Variants in SSUH2 observed in about 807,000 individuals in gnomAD.
SSUH2 encodes protein SSUH2 homolog.
In SSUH2, 47 loss-of-function variants were observed where a neutral mutation model predicts 55.3. The ratio of observed to expected loss-of-function variants is 0.85; its 90% CI spans 0.67 to 1.08. The LOEUF is 1.08. Among genes scored for constraint, SSUH2 ranks in the 50% least tolerant of loss-of-function variants. The pLI, the probability that SSUH2 is intolerant of heterozygous loss-of-function variation, is 0.00. For synonymous variants in SSUH2, 212 were observed against 191.5 expected (o/e 1.11, Z -0.89); for missense variants, 535 against 490.7 (o/e 1.09, Z -0.85).
chr3:8,675,734 A>T (rs920448848), intron 3 of SSUH2, among the ~76,000 whole-genome samples: 1 of 152,134 alleles, frequency 6.6e-6, no homozygotes, highest in Non-Finnish European at 1.5e-5. Context: ...ATGAGGTCAC[A>T]AAGGGGGCTG....
intron 3 of SSUH2, among the ~76,000 whole-genome samples, chr3:8,672,481 G>A (rs533919363): frequency 3.9e-5 from 6 of 151,944 alleles, no homozygotes; most frequent in South Asian, 4.2e-4. Flanking sequence ...CAACCTCTCC[G>A]CCTTTGAATA....
intron 7 of SSUH2, among the ~76,000 whole-genome samples, chr3:8,656,862 G>GGTTT (rs60486079): frequency 0.34 from 51,194 of 149,874 alleles, 9,090 homozygotes; most frequent in East Asian, 0.53. Flanking sequence ...TTCATTTTTT[G>GGTTT]GTTTGTTTGT....
At chr3:8,641,337 A>G (rs1013255419) in intron 1 of SSUH2, among the ~76,000 whole-genome samples, 2 of 152,242 alleles carry the variant, frequency 1.3e-5, no homozygotes, top group African/African-American at 4.8e-5. Context: ...CCACAGCACA[A>G]AATACCTAAC....
At chr3:8,637,036 C>A (rs1007238234) in intron 1 of SSUH2, among the ~76,000 whole-genome samples, 1 of 152,178 alleles carries the variant, frequency 6.6e-6, no homozygotes, top group Non-Finnish European at 1.5e-5. Context: ...TATGATGGTA[C>A]AAAAGCCATA....
At chr3:8,675,975 G>T (rs1469378033) in intron 3 of SSUH2, among the ~76,000 whole-genome samples, 1 of 152,086 alleles carries the variant, frequency 6.6e-6, no homozygotes, top group East Asian at 1.9e-4. Flanking sequence ...TCTAAAGGAT[G>T]GCCCCCCGTT....
chr3:8,645,553 T>C (rs1023224449), upstream of SSUH2, among the ~76,000 whole-genome samples: 1 of 152,132 alleles, frequency 6.6e-6, no homozygotes, highest in African/African-American at 2.4e-5. Context: ...TCCCCGAGGC[T>C]CTATGGGTCC....
chr3:8,620,185 A>G (rs918063942), intron 11 of SSUH2, among the ~76,000 whole-genome samples, 171 bp from the exon 12 acceptor site: 2 of 152,152 alleles, frequency 1.3e-5, no homozygotes, highest in South Asian at 2.1e-4. Context: ...TTGAATTATA[A>G]TAATCTTCAT....
rs374825189 is a variant in SSUH2, at chr3:8,662,760, T to C, written c.-396+984A>G. ...GCTCCAACAGGGCCACTTAGGCAGA[T>C]GTCATTTCCTACCTTATTGACTCTG... is the stretch of plus-strand genomic sequence containing the variant. On this transcript the variant is annotated intron_variant, in intron 6 of 18. Transcript: ENST00000317371. 7.9e-5 allele frequency among the ~76,000 whole-genome samples: 12 copies of C among 152,328 alleles called. 1 individual carries two copies. The highest frequency in any genetic ancestry group is 3.9e-4 in the East Asian group (2 of 5,190).
chr3:8,666,620 T>A (rs1189986071), intron 5 of SSUH2, among the ~76,000 whole-genome samples: 2 of 152,186 alleles, frequency 1.3e-5, no homozygotes, highest in East Asian at 1.9e-4. Context: ...GAAGATGACA[T>A]CTGTGACCAA....
chr3:8,646,561 ATAGT>A (rs1701704132), upstream of SSUH2, among the ~76,000 whole-genome samples: 2 of 152,218 alleles, frequency 1.3e-5, no homozygotes, highest in African/African-American at 4.8e-5. Flanking sequence ...AGATCACATA[ATAGT>A]AAGTTAATAA....
At chr3:8,648,182 T>C (rs1701950573), upstream of SSUH2, among the ~76,000 whole-genome samples, 1 of 152,188 alleles carries the variant, frequency 6.6e-6, no homozygotes, top group Non-Finnish European at 1.5e-5. Flanking sequence ...GTTCTCCTTA[T>C]AGACGAGACA....
At chr3:8,680,719 A>ATAT (rs1705880345) in intron 1 of SSUH2, among the ~76,000 whole-genome samples, 1 of 151,976 alleles carries the variant, frequency 6.6e-6, no homozygotes, top group South Asian at 2.1e-4. Flanking sequence ...CCGCCTTGGT[A>ATAT]TATTATGAAG....
At position 8,625,655 on chromosome 3, in the gene SSUH2, G is replaced by GA; in HGVS notation, c.768-9dup. 1 of 1,596,910 alleles carries GA rather than the reference G, an allele frequency of 6.3e-7. No homozygotes were observed. The highest frequency in any genetic ancestry group is 8.6e-7 in the Non-Finnish European group (1 of 1,164,530). ...TCAAACAAGCTGTTCTTCCTGGAGG[G>GA]AAGGAGGATGAGGGATGAAAGCACA... is the stretch of plus-strand genomic sequence containing the variant. On this transcript the variant is annotated splice_polypyrimidine_tract_variant and intron_variant, in intron 9 of 11. Transcript: ENST00000544814.
At chr3:8,681,023 A>G (rs543155795) in intron 1 of SSUH2, among the ~76,000 whole-genome samples, 1 of 147,116 alleles carries the variant, frequency 6.8e-6, no homozygotes, top group African/African-American at 2.5e-5. Context: ...GCAACCTCCA[A>G]GTGGCGGGGA....
intron 1 of SSUH2, among the ~76,000 whole-genome samples, chr3:8,636,397 A>G (rs973765865): frequency 1.3e-5 from 2 of 152,140 alleles, no homozygotes; most frequent in Non-Finnish European, 2.9e-5. Flanking sequence ...CAGCAAAGCC[A>G]TCCTGGACCC....
chr3:8,651,078 C>T (rs968511747), intron 7 of SSUH2, among the ~76,000 whole-genome samples: 5 of 152,254 alleles, frequency 3.3e-5, no homozygotes, highest in African/African-American at 1.2e-4. Context: ...TTCCTTCCTA[C>T]TAATCTGATC....
intron 5 of SSUH2, 40 bp from the exon 6 acceptor site, chr3:8,630,969 A>C (rs765265773): frequency 7.5e-7 from 1 of 1,337,538 alleles, no homozygotes; most frequent in South Asian, 2.5e-5. Flanking sequence ...GACGAAGGGC[A>C]GCAGGGATAA....
chr3:8,650,821 C>G (rs1435462065), intron 7 of SSUH2, among the ~76,000 whole-genome samples: 1 of 152,196 alleles, frequency 6.6e-6, no homozygotes, highest in Non-Finnish European at 1.5e-5. Flanking sequence ...CCAGGGAGCT[C>G]TTTTGTGGGT....
At chr3:8,664,605 A>G (rs1454820680) in intron 5 of SSUH2, among the ~76,000 whole-genome samples, 1 of 152,214 alleles carries the variant, frequency 6.6e-6, no homozygotes, top group Non-Finnish European at 1.5e-5. Context: ...ATGGATGAGG[A>G]AAAGATCTTC....
Sources: gnomAD v4.1 joint callset for allele counts (sites outside exome capture counted in the v4.1 genomes callset) on GRCh38, gnomAD v4.1.1 for gene constraint, MANE v1.5 for transcripts, NCBI Gene and HGNC (gene_info 2026-07-23, HGNC 2026-07-21) for gene names.